Variants in ZEB2 observed in about 807,000 individuals in gnomAD.
The protein encoded by ZEB2 is zinc finger E-box-binding homeobox 2.
In ZEB2, 6 loss-of-function variants were observed where a neutral mutation model predicts 99.9. The observed-to-expected ratio is 0.06, with a 90% CI of 0.03 to 0.12. The LOEUF is 0.12. Ranked by LOEUF, ZEB2 falls within the 10% of genes least tolerant of loss-of-function variation. ZEB2 has a pLI of 1.00. For synonymous variants in ZEB2, 517 were observed against 542.5 expected (o/e 0.95, Z 0.65); for missense variants, 969 against 1,502.8 (o/e 0.64, Z 5.87).
chr2:144,438,626 G>T lies in ZEB2; in HGVS notation c.74-8600C>A, dbSNP rs1703867754. ...TTACCCCAAAGAAATGCCTGAAAGG[G>T]GATCATGCAATGGAGTCCAATTCTT... On this transcript the variant is annotated intron_variant, in intron 2 of 9. Coordinates refer to ENST00000627532, the MANE Select transcript of ZEB2 (RefSeq NM_014795.4). 2.6e-5 allele frequency among the ~76,000 whole-genome samples: 4 copies of T among 152,034 alleles called. No individual in the cohort carries two copies. The South Asian group carries it at 8.3e-4, about 32-fold the overall frequency.
chr2:144,398,423 G>A lies in ZEB2; in HGVS notation c.2764C>T (p.Pro922Ser), dbSNP rs776473212. Residue 922 changes from proline to serine, a missense_variant, in exon 8 of 10, where the codon CCA becomes TCA. Around this residue, in one of 8 missense-constraint regions of ZEB2, gnomAD observed 346 missense variants for 460.0 expected, o/e 0.75. Coordinates refer to ENST00000627532, the MANE Select transcript of ZEB2 (RefSeq NM_014795.4). ...CTCATCTGATCCAGTCCTGGGTATG[G>A]TCGTAGCCCAGGAATACTGGTCTGG... is the stretch of plus-strand genomic sequence containing the variant. ...PVQTSIPGLR[P>S]YPGLDQMSFL... 14 of 1,613,970 alleles carry A rather than the reference G, an allele frequency of 8.7e-6. No homozygotes were observed. Among genetic ancestry groups the A allele is most frequent in the Non-Finnish European group, 1.2e-5 (14 of 1,179,992 alleles).
At chr2:144,472,266 C>A (rs753202299) in intron 2 of ZEB2, among the ~76,000 whole-genome samples, 9 of 151,986 alleles carry the variant, frequency 5.9e-5, no homozygotes, top group Non-Finnish European at 1.2e-4. Context: ...TAATCATCCT[C>A]AAAAAGCATT....
chr2:144,436,114 C>A (rs1261981073), intron 2 of ZEB2, among the ~76,000 whole-genome samples: 1 of 152,050 alleles, frequency 6.6e-6, no homozygotes, highest in Non-Finnish European at 1.5e-5. Context: ...CACTGAAATG[C>A]ATGAATCTTG....
At chr2:144,441,164 CGAGAGA>C (rs113731061) in intron 2 of ZEB2, among the ~76,000 whole-genome samples, 1,688 of 88,894 alleles carry the variant, frequency 0.019, 17 homozygotes, top group Non-Finnish European at 0.025. Context: ...TTTAGCTGCA[CGAGAGA>C]GAGAGAGAGA....
chr2:144,396,498 G>A lies in ZEB2; in HGVS notation c.2981C>T (p.Thr994Ile), dbSNP rs1266095472. 1.2e-6 allele frequency: 2 copies of A among 1,614,002 alleles called. No homozygotes were observed. Among genetic ancestry groups the A allele is most frequent in the Non-Finnish European group, 1.7e-6 (2 of 1,180,002 alleles). Residue 994 changes from threonine to isoleucine, a missense_variant, in exon 9 of 10, where the codon ACA becomes ATA. Transcript: ENST00000627532. ...GTCACATGCATACATGCCACTCTCT[G>A]TCTTCTTGATCTTTTTGCGAGACAG... is the stretch of plus-strand genomic sequence containing the variant. Reference protein sequence around the residue: ...SCLSRKKIKKTESGMYACDLC... With the variant: ...SCLSRKKIKKIESGMYACDLC...
intron 2 of ZEB2, among the ~76,000 whole-genome samples, chr2:144,487,126 C>T (rs1192997187): frequency 6.6e-6 from 1 of 152,190 alleles, no homozygotes; most frequent in African/African-American, 2.4e-5. Context: ...GCAAGATGTA[C>T]ATTTTTGATG....
intron 2 of ZEB2, chr2:144,496,848 C>T (rs1704768246): frequency 6.6e-6 from 1 of 152,178 alleles, no homozygotes; most frequent in Admixed American, 6.5e-5. Flanking sequence ...CGTACAGTTG[C>T]CAGAGACGTG....
chr2:144,400,016 T>G lies in ZEB2; in HGVS notation c.1171A>C (p.Lys391Gln). ...TCATTGAAGTCTAGTGGTTCTGTTT[T>G]AATTTTAAGTAAGCCTGTCTGTTCA... ...MSEQTGLLKIKTEPLDFNDYK... is the reference protein window; with the variant it reads ...MSEQTGLLKIQTEPLDFNDYK... Residue 391 changes from lysine to glutamine, a missense_variant, in exon 8 of 10, where the codon AAA (lysine) becomes CAA (glutamine). Lys to Gln is a moderately conservative substitution (Grantham distance 53, BLOSUM62 1). Coordinates refer to ENST00000627532, the MANE Select transcript of ZEB2 (RefSeq NM_014795.4). 6.2e-7 allele frequency: 1 copy of G among 1,614,218 alleles called. No homozygotes were observed. The highest frequency in any genetic ancestry group is 8.5e-7 in the Non-Finnish European group (1 of 1,180,030).
At chr2:144,411,615 T>C (rs1703466015) in intron 4 of ZEB2, among the ~76,000 whole-genome samples, 1 of 152,198 alleles carries the variant, frequency 6.6e-6, no homozygotes, top group African/African-American at 2.4e-5. Flanking sequence ...CTCCAGCTGG[T>C]ACAGAGGCAT....
chr2:144,497,197 C>T (rs1704774398), intron 2 of ZEB2, among the ~76,000 whole-genome samples: 1 of 152,164 alleles, frequency 6.6e-6, no homozygotes, highest in Admixed American at 6.5e-5. Flanking sequence ...TGACCCCTCA[C>T]CACCTTCTCC....
At position 144,385,021 on chromosome 2, in the gene ZEB2, T is replaced by C. The variant is rs1261882653; in HGVS notation, c.*4430A>G. The C allele has an allele frequency of 2.6e-5, 4 of 152,214 alleles. No individual in the cohort carries two copies. The highest frequency in any genetic ancestry group is 2.6e-4 in the Admixed American group (4 of 15,280). The allele number at this position is 152,214 out of a possible 1,614,324, so 9.4% of individuals were successfully genotyped here. A position where few individuals can be genotyped will look rare whatever the true frequency, so the allele number is the denominator to read the frequency against. Reference sequence around the variant, plus strand: ...TGATGTGTTCACATATATGTCATAATATTTATTAATATATAGAATGATCAG... The same window carrying C: ...TGATGTGTTCACATATATGTCATAACATTTATTAATATATAGAATGATCAG... On this transcript the variant is annotated 3_prime_UTR_variant, in exon 10 of 10. Coordinates refer to ENST00000627532, the MANE Select transcript of ZEB2 (RefSeq NM_014795.4).
At chr2:144,415,958 A>G (rs563441565) in intron 4 of ZEB2, among the ~76,000 whole-genome samples, 5 of 152,362 alleles carry the variant, frequency 3.3e-5, no homozygotes, top group Admixed American at 1.3e-4. Flanking sequence ...ATGCCATTGC[A>G]TTCTGGGAAA....
chr2:144,492,523 G>A lies in ZEB2; in HGVS notation c.73+24755C>T, dbSNP rs1390518001. 5.9e-5 allele frequency among the ~76,000 whole-genome samples: 9 copies of A among 152,100 alleles called. No homozygotes were observed. In the South Asian group the frequency reaches 1.2e-3, roughly 21 times the overall value. On this transcript the variant is annotated intron_variant, in intron 2 of 9. Coordinates refer to ENST00000627532, the MANE Select transcript of ZEB2 (RefSeq NM_014795.4). ...TGAGAAGCAGAGATGCAGTTAGACTGAACAACTTGCTACAGGTCTTATGGC... is the reference window on the plus strand; with the variant it reads ...TGAGAAGCAGAGATGCAGTTAGACTAAACAACTTGCTACAGGTCTTATGGC...
At chr2:144,402,098 A>G (rs866490740) in intron 6 of ZEB2, among the ~76,000 whole-genome samples, 9 of 152,206 alleles carry the variant, frequency 5.9e-5, no homozygotes, top group Middle Eastern at 3.2e-3. Flanking sequence ...GGGACAAAAA[A>G]GGAAAAAAAG....
intron 8 of ZEB2, among the ~76,000 whole-genome samples, chr2:144,396,893 T>C (rs1703236858): frequency 6.6e-6 from 1 of 152,212 alleles, no homozygotes; most frequent in South Asian, 2.1e-4. Flanking sequence ...ATTTCCTTTA[T>C]ACCAAGAAAT....
intron 1 of ZEB2, chr2:144,518,129 C>G (rs1199811578): frequency 1.3e-5 from 2 of 151,472 alleles, no homozygotes; most frequent in African/African-American, 2.6e-5. Context: ...AGTATTTCCC[C>G]CCACCTCACT....
intron 3 of ZEB2, chr2:144,427,270 G>A (rs538140014): frequency 6.6e-6 from 1 of 152,336 alleles, no homozygotes; most frequent in South Asian, 2.1e-4. Flanking sequence ...ACCCCATTGT[G>A]GGACGAAAGA....
chr2:144,445,922 C>A (rs1703977226), intron 2 of ZEB2, among the ~76,000 whole-genome samples: 1 of 152,102 alleles, frequency 6.6e-6, no homozygotes, highest in Non-Finnish European at 1.5e-5. Flanking sequence ...TTAAATTGAA[C>A]TCTTTAGAAA....
intron 4 of ZEB2, among the ~76,000 whole-genome samples, chr2:144,410,864 G>C (rs941144998): frequency 6.6e-6 from 1 of 151,350 alleles, no homozygotes; most frequent in African/African-American, 2.4e-5. Flanking sequence ...AGGAGTTGCA[G>C]CAAGTATATG....
Sources: gnomAD v4.1 joint callset for allele counts (sites outside exome capture counted in the v4.1 genomes callset) on GRCh38, gnomAD v4.1.1 for gene constraint, gnomAD v4.1.1 regional missense constraint, MANE v1.5 for transcripts, NCBI Gene and HGNC (gene_info 2026-07-23, HGNC 2026-07-21) for gene names.